The following MTMR8 variants were observed in gnomAD, a reference collection of about 807,000 sequenced individuals.
MTMR8 encodes the protein phosphatidylinositol-3,5-bisphosphate 3-phosphatase MTMR8.
Under a neutral mutation model 39.3 loss-of-function variants are expected in MTMR8, and 65 were observed. That is an observed-to-expected ratio of 1.65 (90% CI 1.35 to 2.03). The LOEUF (loss-of-function observed/expected upper bound fraction) is 2.03. Among genes scored for constraint, MTMR8 ranks in the 30% most tolerant of loss-of-function variants. The pLI, the probability that MTMR8 is intolerant of heterozygous loss-of-function variation, is 0.00. For missense variants in MTMR8, 777 were observed against 538.9 expected (o/e 1.44, Z -4.37); for synonymous variants, 245 against 185.2 (o/e 1.32, Z -2.62).
chrX:64,292,265 C>T (rs201149312), intron 12 of MTMR8, among the ~76,000 whole-genome samples: 2 of 111,586 alleles, frequency 1.8e-5, no homozygotes, highest in East Asian at 2.8e-4. Context: ...CATTCTAGTC[C>T]TTTGTTGGAA....
At chrX:64,387,792 G>A (rs1240555445) in intron 1 of MTMR8, among the ~76,000 whole-genome samples, 1 of 107,895 alleles carries the variant, frequency 9.3e-6, no homozygotes, top group East Asian at 2.9e-4. Context: ...AGGGAGGAGA[G>A]AGGAAAGGAG....
intron 12 of MTMR8, among the ~76,000 whole-genome samples, chrX:64,294,895 C>T (rs1051021866): frequency 9.0e-6 from 1 of 111,259 alleles, no homozygotes; most frequent in Non-Finnish European, 1.9e-5. Flanking sequence ...ACATAAATAT[C>T]GCCTATAGCA....
At chrX:64,292,669 G>T (rs1236586477) in intron 12 of MTMR8, among the ~76,000 whole-genome samples, 3 of 111,006 alleles carry the variant, frequency 2.7e-5, no homozygotes, top group African/African-American at 9.8e-5. Context: ...TTTTGGAGCA[G>T]AAAATGCATC....
intron 11 of MTMR8, 25 bp from the exon 12 acceptor site, chrX:64,328,925 A>C: frequency 8.5e-7 from 1 of 1,177,023 alleles, no homozygotes; most frequent in Non-Finnish European, 1.1e-6. Flanking sequence ...AAACAAGCCA[A>C]AAAATTAAAA....
intron 12 of MTMR8, among the ~76,000 whole-genome samples, chrX:64,286,422 A>G (rs150753535): frequency 2.7e-3 from 301 of 112,238 alleles, no homozygotes; most frequent in Middle Eastern, 4.6e-3. Flanking sequence ...AAACTACTCC[A>G]ATCAACAGAA....
chrX:64,305,787 A>G (rs1922090925), intron 12 of MTMR8: 1 of 384,287 alleles, frequency 2.6e-6, no homozygotes, highest in South Asian at 3.5e-5. Context: ...TATGGTTTCC[A>G]TTGGTGGTGG....
chrX:64,341,606 C>T (rs1923220371), intron 8 of MTMR8, among the ~76,000 whole-genome samples: 1 of 111,164 alleles, frequency 9.0e-6, no homozygotes, highest in Non-Finnish European at 1.9e-5. Context: ...AGTAACCAGC[C>T]ACCTATAGCT....
At chrX:64,394,486 A>G (rs747300246) in intron 1 of MTMR8, among the ~76,000 whole-genome samples, 1 of 111,851 alleles carries the variant, frequency 8.9e-6, no homozygotes, top group Non-Finnish European at 1.9e-5. Flanking sequence ...CAGGACTTCA[A>G]TTAGCCTGGA....
intron 12 of MTMR8, among the ~76,000 whole-genome samples, chrX:64,284,439 G>A: frequency 8.9e-6 from 1 of 111,764 alleles, no homozygotes; most frequent in East Asian, 2.8e-4. Context: ...ATCTAGCAAG[G>A]CAGGCCAACA....
rs186794189 is a variant in MTMR8 at position 64,280,933 on chromosome X, T to C, written c.1482-9860A>G. On this transcript the variant is annotated intron_variant, in intron 12 of 13. Coordinates refer to ENST00000374852, the MANE Select transcript of MTMR8 (RefSeq NM_017677.4). ...GACAAGCAGAGAGTCAAATCATGAATGAACTTCATTCACAATTGCTACAAA... is the reference window on the plus strand; with the variant it reads ...GACAAGCAGAGAGTCAAATCATGAACGAACTTCATTCACAATTGCTACAAA... Among the ~76,000 whole-genome samples the C allele has an allele frequency of 1.5e-3, 164 of 111,271 alleles. 1 individual carries two copies. Among genetic ancestry groups the C allele is most frequent in the African/African-American group, 5.2e-3 (159 of 30,687 alleles).
intron 12 of MTMR8, among the ~76,000 whole-genome samples, chrX:64,315,402 C>T (rs1344044163): frequency 8.9e-6 from 1 of 111,738 alleles, no homozygotes; most frequent in Non-Finnish European, 1.9e-5. Flanking sequence ...TTCCCTCTGC[C>T]CACTCTCAGT....
intron 7 of MTMR8, 128 bp from the exon 8 acceptor site, chrX:64,343,848 A>T: frequency 2.1e-6 from 1 of 479,935 alleles, no homozygotes; most frequent in Non-Finnish European, 3.6e-6. Context: ...TTAGTTAGAA[A>T]CCACACAGTG....
chrX:64,302,241 G>A (rs1260819072), intron 12 of MTMR8, among the ~76,000 whole-genome samples: 1 of 112,566 alleles, frequency 8.9e-6, no homozygotes, highest in Non-Finnish European at 1.9e-5. Context: ...AGGACCCTCC[G>A]AGCCAGGTGT....
At chrX:64,296,469 T>C (rs1291912899) in intron 12 of MTMR8, among the ~76,000 whole-genome samples, 1 of 110,408 alleles carries the variant, frequency 9.1e-6, no homozygotes, top group African/African-American at 3.3e-5. Context: ...TTATGTTATG[T>C]ATATTTTACA....
At chrX:64,329,450 T>C (rs1188751556) in intron 11 of MTMR8, among the ~76,000 whole-genome samples, 3 of 111,678 alleles carry the variant, frequency 2.7e-5, no homozygotes, top group Admixed American at 1.9e-4. Flanking sequence ...AAATTTATAC[T>C]AGAAAATGTC....
chrX:64,277,908 T>C (rs1931915536), intron 12 of MTMR8, among the ~76,000 whole-genome samples: 1 of 110,492 alleles, frequency 9.1e-6, no homozygotes, highest in Non-Finnish European at 1.9e-5. Flanking sequence ...CCATATTTCT[T>C]GGAGGCTTTG....
chrX:64,356,252 C>A lies in MTMR8; in HGVS notation c.234G>T (p.Arg78=). ...CAGAATCTAAAACAAAGTGGGCCAC[C>A]CGGAAATTCTTGCAGCGGAGGGTCA... The part of the protein sequence containing the change: ...CPLTLRCKNF[R]VAHFVLDSDL... Residue 78 remains arginine (R), a synonymous_variant, in exon 3 of 14, where the codon CGG becomes CGT. Coordinates refer to ENST00000374852, the MANE Select transcript of MTMR8 (RefSeq NM_017677.4). 8.3e-7 allele frequency: 1 copy of A among 1,209,415 alleles called. No homozygotes were observed. Among genetic ancestry groups the A allele is most frequent in the African/African-American group, 1.7e-5 (1 of 57,691 alleles).
At chrX:64,323,119 C>A (rs1922698404) in intron 12 of MTMR8, among the ~76,000 whole-genome samples, 1 of 112,178 alleles carries the variant, frequency 8.9e-6, no homozygotes, top group South Asian at 3.7e-4. Context: ...GAGCCCTGCC[C>A]CAAACTGGCA....
chrX:64,308,715 G>C (rs1922205486), intron 12 of MTMR8, among the ~76,000 whole-genome samples: 2 of 111,435 alleles, frequency 1.8e-5, no homozygotes, highest in South Asian at 3.8e-4. Context: ...GGCGTATACA[G>C]ATAGTTTTGT....
Sources: gnomAD v4.1 joint callset for allele counts (sites outside exome capture counted in the v4.1 genomes callset) on GRCh38, gnomAD v4.1.1 for gene constraint, MANE v1.5 for transcripts, NCBI Gene and HGNC (gene_info 2026-07-23, HGNC 2026-07-21) for gene names.